The following PFKFB2 variants were observed in gnomAD, a reference collection of about 807,000 sequenced individuals.
PFKFB2 encodes 6-phosphofructo-2-kinase/fructose-2,6-bisphosphatase 2.
Under a neutral mutation model 68.0 loss-of-function variants are expected in PFKFB2, and 53 were observed. The observed-to-expected ratio is 0.78, with a 90% CI of 0.63 to 0.98. The LOEUF is 0.98. Ranked by LOEUF, PFKFB2 falls within the 50% of genes least tolerant of loss-of-function variation. The pLI, the probability that PFKFB2 is intolerant of heterozygous loss-of-function variation, is 0.00. For missense variants in PFKFB2, 451 were observed against 642.0 expected (o/e 0.70, Z 3.22); for synonymous variants, 222 against 227.6 (o/e 0.98, Z 0.22).
At chr1:207,061,608 G>C (rs1345595288) in intron 2 of PFKFB2, among the ~76,000 whole-genome samples, 1 of 152,156 alleles carries the variant, frequency 6.6e-6, no homozygotes, top group Admixed American at 6.5e-5. Flanking sequence ...CCCCAGCGGG[G>C]CTGGGCGCCT....
downstream of PFKFB2, chr1:207,079,222 C>T: frequency 6.7e-6 from 4 of 595,134 alleles, no homozygotes; most frequent in Non-Finnish European, 1.2e-5. Context: ...AATTTAACTT[C>T]CCTGTGCCTC....
chr1:207,064,134 G>A (rs375351860), intron 7 of PFKFB2, among the ~76,000 whole-genome samples: 75 of 152,232 alleles, frequency 4.9e-4, no homozygotes, highest in African/African-American at 1.7e-3. Flanking sequence ...GGTATTATCT[G>A]GATGTTGAGA....
downstream of PFKFB2, chr1:207,077,886 A>C: frequency 1.3e-6 from 1 of 772,142 alleles, no homozygotes; most frequent in Non-Finnish European, 1.6e-6. Flanking sequence ...CACCCCTAAA[A>C]CTTTGCCTCA....
chr1:207,073,810 T>G lies in PFKFB2; in HGVS notation c.*1439T>G. 1.0e-6 allele frequency: 1 copy of G among 985,424 alleles called. No homozygotes were observed. The highest frequency in any genetic ancestry group is 1.2e-6 in the Non-Finnish European group (1 of 829,904). The allele number at this position is 985,424 out of a possible 1,614,324, so 61.0% of individuals were successfully genotyped here. A position where few individuals can be genotyped will look rare whatever the true frequency, so the allele number is the denominator to read the frequency against. On this transcript the variant is annotated 3_prime_UTR_variant, in exon 15 of 15. Coordinates refer to ENST00000367080, the MANE Select transcript of PFKFB2 (RefSeq NM_006212.2). ...GCTTATTCTCTTTCCCAATTTTGCA[T>G]GCAAAATGTACGAATATATGTATGT...
At chr1:207,071,293 A>T in intron 13 of PFKFB2, 43 bp downstream of exon 13, 1 of 1,524,474 alleles carries the variant, frequency 6.6e-7, no homozygotes, top group Non-Finnish European at 9.1e-7. Context: ...GGAATTGAGG[A>T]AGGTCAGAAT....
Position 207,075,055 on chromosome 1 carries a change from T to TA in PFKFB2, c.*2686dup. On this transcript the variant is annotated 3_prime_UTR_variant, in exon 15 of 15. Coordinates refer to ENST00000367080, the MANE Select transcript of PFKFB2 (RefSeq NM_006212.2). ...CTTTTCTTCTGCTGTGAGGTAAGAG[T>TA]AATTCAGACCTAATGAATGAGAAGA... 2.0e-6 allele frequency: 2 copies of TA among 985,384 alleles called. No individual in the cohort carries two copies. Among genetic ancestry groups the TA allele is most frequent in the Non-Finnish European group, 2.4e-6 (2 of 829,918 alleles). 61.0% of individuals were successfully genotyped at this position (985,384 alleles called of 1,614,324 possible).
At position 207,075,740 on chromosome 1, in the gene PFKFB2, C is replaced by A; in HGVS notation, c.*3369C>A. The A allele has an allele frequency of 6.1e-6, 6 of 977,268 alleles. No homozygotes were observed. The highest frequency in any genetic ancestry group is 7.3e-6 in the Non-Finnish European group (6 of 822,552). 60.5% of individuals were successfully genotyped at this position (977,268 alleles called of 1,614,324 possible). A position where few individuals can be genotyped will look rare whatever the true frequency, so the allele number is the denominator to read the frequency against. On this transcript the variant is annotated 3_prime_UTR_variant, in exon 15 of 15. Transcript: ENST00000367080. ...GCCTGGGCAATATAGTGAGACCTCA[C>A]CTCTAAAAAAGTTTTTTATAAATTT... is the stretch of plus-strand genomic sequence containing the variant.
chr1:207,036,585 T>C (rs971895495), intron 1 of PFKFB2, among the ~76,000 whole-genome samples: 1 of 152,214 alleles, frequency 6.6e-6, no homozygotes, highest in African/African-American at 2.4e-5. Flanking sequence ...TGTCACCAAT[T>C]TTGAAAGCTT....
chr1:207,072,797 C>T lies in PFKFB2; in HGVS notation c.*426C>T. On this transcript the variant is annotated 3_prime_UTR_variant, in exon 15 of 15. Transcript: ENST00000367080. ...GTCGGGGGACAAAAAGTCTATTTTT[C>T]CTTCACTTTTGTCTCTTCAATGTGT... 1.0e-6 allele frequency: 1 copy of T among 995,964 alleles called. No homozygotes were observed. The highest frequency in any genetic ancestry group is 1.2e-6 in the Non-Finnish European group (1 of 836,894). 61.7% of individuals were successfully genotyped at this position (995,964 alleles called of 1,614,324 possible).
rs760576080 is a variant in PFKFB2, at chr1:207,071,190, G to C, written c.1225G>C (p.Glu409Gln). The change falls in exon 13 of 15, where the codon GAG becomes CAG. Residue 409 changes from glutamate to glutamine, a missense_variant and splice_region_variant. Transcript: ENST00000367080. Reference sequence around the variant, plus strand: ...TCGCCTGGTCTTTCTGTTTTCAGATGAGCTACCATACTTGAGATGCCCTCT... The same window carrying C: ...TCGCCTGGTCTTTCTGTTTTCAGATCAGCTACCATACTTGAGATGCCCTCT... The part of the protein sequence containing the change: ...LAYFLDKGAD[E>Q]LPYLRCPLHT... The C allele has an allele frequency of 6.2e-7, 1 of 1,613,358 alleles. No homozygotes were observed. The highest frequency in any genetic ancestry group is 8.5e-7 in the Non-Finnish European group (1 of 1,179,348).
Position 207,063,441 on chromosome 1 carries a change from TGGA to T in PFKFB2, c.450+24_450+26del, listed in dbSNP as rs753336137. On this transcript the variant is annotated intron_variant, in intron 6 of 14. Coordinates refer to ENST00000367080, the MANE Select transcript of PFKFB2 (RefSeq NM_006212.2). This position sits in a 1 kb window ranked among gnomAD's most constrained non-coding sequence, Gnocchi z 4.1. ...TTCAAGGTAGGATCTGACTCCATGT[TGGA>T]GGAAAAGGGATGAGTAGAGGTGGGG... is the stretch of plus-strand genomic sequence containing the variant. The T allele has an allele frequency of 7.6e-6, 12 of 1,579,698 alleles. No individual in the cohort carries two copies. The highest frequency in any genetic ancestry group is 1.0e-5 in the Non-Finnish European group (12 of 1,150,636).
chr1:207,051,188 C>T, upstream of PFKFB2: 1 of 1,366,976 alleles, frequency 7.3e-7, no homozygotes, highest in South Asian at 1.6e-5. Context: ...GACAACGGGT[C>T]TTGCTACCTA....
chr1:207,077,701 T>C lies in PFKFB2; in HGVS notation c.*5330T>C, dbSNP rs1054359302. On this transcript the variant is annotated 3_prime_UTR_variant, in exon 15 of 15. Coordinates refer to ENST00000367080, the MANE Select transcript of PFKFB2 (RefSeq NM_006212.2). ...ACATTCTGATTTAATCGGGTGACAC[T>C]GATAACAAAGTATGCCACTCAGATC... 144 of 985,578 alleles carry C rather than the reference T, an allele frequency of 1.5e-4. No individual in the cohort carries two copies. In the African/African-American group the frequency reaches 2.0e-3, roughly 14 times the overall value. 61.1% of individuals were successfully genotyped at this position (985,578 alleles called of 1,614,324 possible). A position where few individuals can be genotyped will look rare whatever the true frequency, so the allele number is the denominator to read the frequency against.
At position 207,069,472 on chromosome 1, in the gene PFKFB2, G is replaced by C; in HGVS notation, c.1036G>C (p.Glu346Gln). The change falls in exon 11 of 15, where the codon GAA becomes CAA. Residue 346 changes from glutamate (E) to glutamine (Q), a missense_variant. By Grantham distance (29) the Glu-to-Gln change is conservative. Coordinates refer to ENST00000367080, the MANE Select transcript of PFKFB2 (RefSeq NM_006212.2). The part of the protein sequence containing the change: ...TYAEIEKRYP[E>Q]EFALRDQEKY... Reference sequence around the variant, plus strand: ...TGCAGAGATTGAGAAACGGTACCCAGAAGAGTTTGCACTTCGAGATCAAGA... The same window carrying C: ...TGCAGAGATTGAGAAACGGTACCCACAAGAGTTTGCACTTCGAGATCAAGA... 3.1e-6 allele frequency: 5 copies of C among 1,614,082 alleles called. No individual in the cohort carries two copies. Among genetic ancestry groups the C allele is most frequent in the Non-Finnish European group, 4.2e-6 (5 of 1,179,930 alleles).
At chr1:207,068,986 C>A (rs1683387670) in intron 10 of PFKFB2, among the ~76,000 whole-genome samples, 1 of 152,190 alleles carries the variant, frequency 6.6e-6, no homozygotes, top group Non-Finnish European at 1.5e-5. Flanking sequence ...ACCTTGTGAT[C>A]CACCCGCCTT....
chr1:207,064,642 G>A (rs1349103612), intron 7 of PFKFB2, among the ~76,000 whole-genome samples: 1 of 152,176 alleles, frequency 6.6e-6, no homozygotes, highest in Non-Finnish European at 1.5e-5. Context: ...AGGAACTTGG[G>A]ATCATCTGAG....
At chr1:207,048,642 G>T (rs1213132560), upstream of PFKFB2, 2 of 197,880 alleles carry the variant, frequency 1.0e-5, no homozygotes, top group African/African-American at 4.7e-5. Context: ...TCAATCGTAT[G>T]CCCAGTGGAC....
chr1:207,059,587 C>T (rs763908333), intron 2 of PFKFB2, among the ~76,000 whole-genome samples: 1 of 152,132 alleles, frequency 6.6e-6, no homozygotes, highest in African/African-American at 2.4e-5. Flanking sequence ...TGCTCCTTTA[C>T]CTACCTTGGA....
At chr1:207,049,685 T>G (rs771445603), upstream of PFKFB2, 28 of 1,614,048 alleles carry the variant, frequency 1.7e-5, no homozygotes, top group Middle Eastern at 1.6e-4. Context: ...GGTGAACTTC[T>G]GGGCCTGGTT....
Sources: gnomAD v4.1 joint callset for allele counts (sites outside exome capture counted in the v4.1 genomes callset) on GRCh38, gnomAD v4.1.1 for gene constraint, Gnocchi (gnomAD v3.1) non-coding constraint, MANE v1.5 for transcripts, NCBI Gene and HGNC (gene_info 2026-07-23, HGNC 2026-07-21) for gene names.